The following PPP1R16B variants were observed in gnomAD, a reference collection of about 807,000 sequenced individuals.
The protein encoded by PPP1R16B is protein phosphatase 1 regulatory inhibitor subunit 16B.
In PPP1R16B, 14 loss-of-function variants were observed where a neutral mutation model predicts 61.7. The observed-to-expected ratio is 0.23, with a 90% confidence interval of 0.15 to 0.35. PPP1R16B has a LOEUF of 0.35. Ranked by LOEUF, PPP1R16B falls within the 10% of genes least tolerant of loss-of-function variation. The pLI, the probability that PPP1R16B is intolerant of heterozygous loss-of-function variation, is 1.00. For missense variants in PPP1R16B, 547 were observed against 752.5 expected, an observed-to-expected ratio of 0.73 and a Z score of 3.19; for synonymous variants, 266 against 305.3, an observed-to-expected ratio of 0.87 and a Z score of 1.34.
At chr20:38,879,886 A>T (rs2085192791) in intron 2 of PPP1R16B, among the ~76,000 whole-genome samples, 1 of 152,226 alleles carries the variant, frequency 6.6e-6, no homozygotes, top group Non-Finnish European at 1.5e-5. Context: ...TAAGGGTGTC[A>T]GAGATGCTAG....
chr20:38,882,476 C>T (rs1477887003), intron 2 of PPP1R16B, among the ~76,000 whole-genome samples: 1 of 152,124 alleles, frequency 6.6e-6, no homozygotes, highest in Non-Finnish European at 1.5e-5. Flanking sequence ...GAACTCCTGG[C>T]CTTAAGTGAT....
intron 2 of PPP1R16B, among the ~76,000 whole-genome samples, chr20:38,841,179 T>C (rs533046809): frequency 3.7e-4 from 56 of 152,036 alleles, no homozygotes; most frequent in Non-Finnish European, 6.5e-4. Flanking sequence ...TACTATTCAA[T>C]GATTTTCAGT....
At chr20:38,860,973 G>C (rs1177051044) in intron 2 of PPP1R16B, among the ~76,000 whole-genome samples, 4 of 152,134 alleles carry the variant, frequency 2.6e-5, no homozygotes, top group Admixed American at 2.0e-4. Context: ...CTCCCACTGG[G>C]AGTATCCGTG....
At chr20:38,900,130 G>A (rs6028190) in intron 4 of PPP1R16B, among the ~76,000 whole-genome samples, 30 of 152,272 alleles carry the variant, frequency 2.0e-4, no homozygotes, top group African/African-American at 7.2e-4. Context: ...GTGAGATGGG[G>A]CCAACAGTAT....
At position 38,896,140 on chromosome 20, in the gene PPP1R16B, T is replaced by C. The variant is rs115052347; in HGVS notation, c.467+430T>C. Among the ~76,000 whole-genome samples the C allele has an allele frequency of 9.1e-3, 609 of 66,696 alleles. 28 individuals are homozygous for C. The highest frequency in any genetic ancestry group is 0.028 in the African/African-American group (453 of 15,906). 43.8% of individuals were successfully genotyped at this position (66,696 alleles called of 152,430 possible). On this transcript the variant is annotated intron_variant, in intron 4 of 10. Coordinates refer to ENST00000299824, the MANE Select transcript of PPP1R16B (RefSeq NM_015568.4). ...CCTTCTTTCTTCCCTTCCTCCCTCC[T>C]TTCCTTCTTTCTTCCTCCCTCCCTT...
chr20:38,869,565 A>G lies in PPP1R16B; in HGVS notation c.251-20030A>G, dbSNP rs560672099. On this transcript the variant is annotated intron_variant, in intron 2 of 10. Transcript: ENST00000299824. ...AGGGTTCCAGTTTCTCCACATGCTT[A>G]TCAACACTTGTTATTGTCTGTTTTT... is the stretch of plus-strand genomic sequence containing the variant. 5.3e-5 allele frequency among the ~76,000 whole-genome samples: 8 copies of G among 152,310 alleles called. No homozygotes were observed. In the South Asian group the frequency reaches 1.7e-3, roughly 32 times the overall value.
At position 38,918,345 on chromosome 20, in the gene PPP1R16B, C is replaced by G. The variant is rs139053611; in HGVS notation, c.1383C>G (p.Gly461=). 2 of 1,614,174 alleles carry G rather than the reference C, an allele frequency of 1.2e-6. No homozygotes were observed. Among genetic ancestry groups the G allele is most frequent in the Non-Finnish European group, 1.7e-6 (2 of 1,180,038 alleles). The change falls in exon 11 of 11, where the codon GGC becomes GGG. Residue 461 remains glycine (G), a synonymous_variant. Transcript: ENST00000299824. The surrounding 1 kb of genome is among the most constrained non-coding windows in gnomAD (Gnocchi z 5.3). ...PDYSMAYGNP[G]VADATPPWSS... The stretch of plus-strand genomic sequence containing the variant: ...ACAGCATGGCCTATGGCAACCCTGG[C>G]GTGGCCGACGCCACCCCGCCCTGGA...
chr20:38,897,386 T>C (rs190682216), intron 4 of PPP1R16B, among the ~76,000 whole-genome samples: 281 of 152,356 alleles, frequency 1.8e-3, no homozygotes, highest in Middle Eastern at 6.8e-3. Context: ...ATATTTCACT[T>C]AGCATAATGT....
At chr20:38,836,215 G>A (rs900270620) in intron 2 of PPP1R16B, 40 bp downstream of exon 2, 4 of 1,581,710 alleles carry the variant, frequency 2.5e-6, no homozygotes, top group African/African-American at 2.7e-5. Flanking sequence ...CAGCTGCCTT[G>A]GCCTCTGATC....
intron 2 of PPP1R16B, among the ~76,000 whole-genome samples, chr20:38,868,642 C>G (rs1378144297): frequency 6.6e-6 from 1 of 152,198 alleles, no homozygotes; most frequent in East Asian, 1.9e-4. Flanking sequence ...CTCAGCCTCC[C>G]AAATGGTAAC....
At chr20:38,870,159 A>G (rs1022269557) in intron 2 of PPP1R16B, among the ~76,000 whole-genome samples, 4 of 152,060 alleles carry the variant, frequency 2.6e-5, no homozygotes, top group Admixed American at 6.5e-5. Context: ...CCTGACCTCA[A>G]GTGATTCACC....
At chr20:38,850,769 C>A (rs2084963093) in intron 2 of PPP1R16B, among the ~76,000 whole-genome samples, 3 of 151,980 alleles carry the variant, frequency 2.0e-5, no homozygotes, top group Admixed American at 6.6e-5. Context: ...GAGTTCGAGA[C>A]CAGCCTGGCC....
intron 2 of PPP1R16B, among the ~76,000 whole-genome samples, chr20:38,877,952 GTTTTTTTTTTTTTT>G (rs34151516): frequency 3.1e-4 from 18 of 57,816 alleles, no homozygotes; most frequent in South Asian, 2.7e-3. Flanking sequence ...GCACACAGTT[GTTTTTTTTTTTTTT>G]TTTTTTTTTT....
chr20:38,852,964 G>A (rs766788629), intron 2 of PPP1R16B, among the ~76,000 whole-genome samples: 1 of 151,924 alleles, frequency 6.6e-6, no homozygotes, highest in African/African-American at 2.4e-5. Flanking sequence ...AGTAGAGACG[G>A]TTTCACCATG....
chr20:38,867,051 C>T (rs1006030032), intron 2 of PPP1R16B, among the ~76,000 whole-genome samples: 3 of 152,174 alleles, frequency 2.0e-5, no homozygotes, highest in East Asian at 1.9e-4. Context: ...TAATGTTTTT[C>T]GGGTTCATCC....
chr20:38,813,767 CATT>C (rs371284370), intron 1 of PPP1R16B, among the ~76,000 whole-genome samples: 59,684 of 131,196 alleles, frequency 0.45, 13,201 homozygotes, highest in South Asian at 0.48. Context: ...TCATCATCAT[CATT>C]ATTATTATTA....
intron 1 of PPP1R16B, among the ~76,000 whole-genome samples, chr20:38,813,129 C>G (rs1229266777): frequency 6.6e-6 from 1 of 152,234 alleles, no homozygotes; most frequent in Non-Finnish European, 1.5e-5. Flanking sequence ...ATCTGCTGTG[C>G]TGGCTGGCTT....
rs1323843553 is a variant in PPP1R16B, at chr20:38,918,758, C to G, written c.*92C>G. 2.2e-6 allele frequency: 3 copies of G among 1,374,286 alleles called. No homozygotes were observed. The highest frequency in any genetic ancestry group is 2.9e-6 in the Non-Finnish European group (3 of 1,046,156). 85.1% of individuals were successfully genotyped at this position (1,374,286 alleles called of 1,614,324 possible). On this transcript the variant is annotated 3_prime_UTR_variant, in exon 11 of 11. Transcript: ENST00000299824. This position sits in a 1 kb window ranked among gnomAD's most constrained non-coding sequence, Gnocchi z 5.3. ...CCTGGCTGGGGAGGTGTCAGGGCAG[C>G]TGGGGAGAGGTGGGCTCTGCTTTTC...
At chr20:38,899,042 A>G (rs4810239) in intron 4 of PPP1R16B, among the ~76,000 whole-genome samples, 57,160 of 152,042 alleles carry the variant, frequency 0.38, 11,519 homozygotes, top group Middle Eastern at 0.52. Context: ...TCTGAGGGCA[A>G]GGAGTCAGAG....
Sources: gnomAD v4.1 joint callset for allele counts (sites outside exome capture counted in the v4.1 genomes callset) on GRCh38, gnomAD v4.1.1 for gene constraint, Gnocchi (gnomAD v3.1) non-coding constraint, MANE v1.5 for transcripts, NCBI Gene and HGNC (gene_info 2026-07-23, HGNC 2026-07-21) for gene names.